The following MCM8 variants were observed in gnomAD, a reference collection of about 807,000 sequenced individuals.
MCM8 encodes the protein minichromosome maintenance 8 homologous recombination repair factor.
A neutral mutation model predicts 98.9 loss-of-function variants in MCM8; 85 were observed. The observed-to-expected ratio is 0.86, with a 90% CI of 0.72 to 1.03. The LOEUF is 1.03. MCM8 is among the 50% of genes least tolerant of loss of function. MCM8 has a pLI of 0.00. For synonymous variants in MCM8, 352 were observed against 338.6 expected, an observed-to-expected ratio of 1.04 and a Z score of -0.44; for missense variants, 951 against 997.8, an observed-to-expected ratio of 0.95 and a Z score of 0.63.
rs2089940276 is a variant in MCM8, at chr20:5,995,239, G to A, written c.*848G>A. The A allele has an allele frequency of 2.0e-5, 3 of 152,312 alleles. No individual in the cohort carries two copies. The highest frequency in any genetic ancestry group is 2.0e-4 in the Admixed American group (3 of 15,272). 9.4% of individuals were successfully genotyped at this position (152,312 alleles called of 1,614,324 possible). A position where few individuals can be genotyped will look rare whatever the true frequency, so the allele number is the denominator to read the frequency against. On this transcript the variant is annotated 3_prime_UTR_variant, in exon 19 of 19. Coordinates refer to ENST00000610722, the MANE Select transcript of MCM8 (RefSeq NM_032485.6). ...AATAATAGGTCTCATTTATTCCACA[G>A]GCTGTAGTTTGTAGTCTTGCTTGAA...
At chr20:5,970,347 G>A (rs2089376120) in intron 10 of MCM8, among the ~76,000 whole-genome samples, 1 of 152,210 alleles carries the variant, frequency 6.6e-6, no homozygotes, top group African/African-American at 2.4e-5. Flanking sequence ...TACTTGGGAG[G>A]TGATTCTGGA....
rs2089988528 is a variant in MCM8 at position 5,998,785 on chromosome 20, C to G, written c.*4394C>G. ...TTAAAATTATAAGGCAATATTAATTCACAAAACTACCTACTCGTTTTATTT... is the reference window on the plus strand; with the variant it reads ...TTAAAATTATAAGGCAATATTAATTGACAAAACTACCTACTCGTTTTATTT... On this transcript the variant is annotated 3_prime_UTR_variant, in exon 19 of 19. Coordinates refer to ENST00000610722, the MANE Select transcript of MCM8 (RefSeq NM_032485.6). The G allele has an allele frequency of 6.6e-6, 1 of 152,132 alleles. No individual in the cohort carries two copies. Among genetic ancestry groups the G allele is most frequent in the South Asian group, 2.1e-4 (1 of 4,830 alleles). The allele number at this position is 152,132 out of a possible 1,614,324, so 9.4% of individuals were successfully genotyped here.
rs1331172298 is a variant in MCM8, at chr20:5,962,650, A to T, written c.790-624A>T. Among the ~76,000 whole-genome samples, 2 of 151,312 alleles carry T rather than the reference A, an allele frequency of 1.3e-5. 1 individual carries two copies. The highest frequency in any genetic ancestry group is 2.9e-5 in the Non-Finnish European group (2 of 67,952). On this transcript the variant is annotated intron_variant, in intron 7 of 18. Coordinates refer to ENST00000610722, the MANE Select transcript of MCM8 (RefSeq NM_032485.6). The stretch of plus-strand genomic sequence containing the variant: ...CGGCCTCCCAAAGTGCTGGGATTAC[A>T]GGCGTGAGCCACCGCGCCCGGCCTT...
In MCM8 at chr20:5,957,184, C is replaced by T. The variant is rs1568570227; in HGVS notation, c.545C>T (p.Ser182Phe). 6.2e-7 allele frequency: 1 copy of T among 1,613,618 alleles called. No individual in the cohort carries two copies. The highest frequency in any genetic ancestry group is 8.5e-7 in the Non-Finnish European group (1 of 1,179,762). The change falls in exon 6 of 19, where the codon TCT becomes TTT. Residue 182 changes from serine (S) to phenylalanine (F), a missense_variant. By Grantham distance (155) the Ser-to-Phe change is radical (BLOSUM62 -2). Coordinates refer to ENST00000610722, the MANE Select transcript of MCM8 (RefSeq NM_032485.6). ...AAELQAQEGL[S>F]NDGETMVNVP... ...GAGTTACAAGCCCAGGAAGGATTGT[C>T]TAATGATGGAGAAACAATGGTAAAT...
At chr20:5,960,311 C>T (rs759678092) in intron 7 of MCM8, among the ~76,000 whole-genome samples, 1 of 151,972 alleles carries the variant, frequency 6.6e-6, no homozygotes, top group Non-Finnish European at 1.5e-5. Flanking sequence ...GATGGGGTCT[C>T]ATTCTGTTGC....
intron 13 of MCM8, among the ~76,000 whole-genome samples, chr20:5,979,889 G>A (rs988154306): frequency 2.0e-5 from 3 of 152,178 alleles, no homozygotes; most frequent in Admixed American, 2.0e-4. Flanking sequence ...GAGTGGCCCA[G>A]GGCCATTCAT....
In MCM8 at chr20:5,974,886, A is replaced by T. The variant is rs16991620; in HGVS notation, c.1395+1690A>T. Among the ~76,000 whole-genome samples, 1,455 of 152,296 alleles carry T rather than the reference A, an allele frequency of 9.6e-3. 25 individuals are homozygous for T. Among genetic ancestry groups the T allele is most frequent in the African/African-American group, 0.033 (1,363 of 41,548 alleles). Reference sequence around the variant, plus strand: ...ATCTGGGGCTACTTTTTAAAAAATAAATTCTGTTCTGAGACCTCGCTACAA... The same window carrying T: ...ATCTGGGGCTACTTTTTAAAAAATATATTCTGTTCTGAGACCTCGCTACAA... On this transcript the variant is annotated intron_variant, in intron 12 of 18. Transcript: ENST00000610722.
chr20:5,971,299 T>C (rs2089396752), intron 10 of MCM8, among the ~76,000 whole-genome samples: 2 of 152,258 alleles, frequency 1.3e-5, no homozygotes, highest in Admixed American at 1.3e-4. Flanking sequence ...TTTTACAGCC[T>C]GTTCTCTCTG....
At chr20:5,987,032 G>A (rs1223475960) in intron 16 of MCM8, among the ~76,000 whole-genome samples, 1 of 152,100 alleles carries the variant, frequency 6.6e-6, no homozygotes, top group Non-Finnish European at 1.5e-5. Context: ...TCACTTTGTT[G>A]CTCAGGCTGG....
chr20:5,955,120 G>T lies in MCM8; in HGVS notation c.355G>T (p.Gly119Ter). ...TTTATAGGATGAAATAGAAAGAAAG[G>T]GAAGTATTTTGGTAGATTTTAAAGA... ...LYDKDEIERK[G>*]SILVDFKELT... The change falls in exon 5 of 19, where the codon GGA (glycine) becomes TGA (stop). Residue 119 changes from glycine (G) to a stop codon, truncating the protein, a stop_gained. Coordinates refer to ENST00000610722, the MANE Select transcript of MCM8 (RefSeq NM_032485.6). LOFTEE classifies it high-confidence loss of function. 1 of 1,599,128 alleles carries T rather than the reference G, an allele frequency of 6.3e-7. No individual in the cohort carries two copies. Among genetic ancestry groups the T allele is most frequent in the South Asian group, 1.1e-5 (1 of 89,388 alleles).
Position 5,998,935 on chromosome 20 carries a change from T to TA in MCM8, c.*4545dup, listed in dbSNP as rs2089990378. The TA allele has an allele frequency of 6.6e-6, 1 of 152,082 alleles. No individual in the cohort carries two copies. Among genetic ancestry groups the TA allele is most frequent in the African/African-American group, 2.4e-5 (1 of 41,388 alleles). The allele number at this position is 152,082 out of a possible 1,614,324, so 9.4% of individuals were successfully genotyped here. On this transcript the variant is annotated 3_prime_UTR_variant, in exon 19 of 19. Transcript: ENST00000610722. ...AGTTTTTCTATACCATGGAGTTACTTACCATGTGTATACATAACACTGATT... is the reference window on the plus strand; with the variant it reads ...AGTTTTTCTATACCATGGAGTTACTTAACCATGTGTATACATAACACTGATT...
intron 7 of MCM8, among the ~76,000 whole-genome samples, chr20:5,961,505 G>A (rs1474491338): frequency 6.6e-6 from 1 of 152,196 alleles, no homozygotes; most frequent in Non-Finnish European, 1.5e-5. Flanking sequence ...GAGGGTATGT[G>A]AGATTCAGCT....
intron 10 of MCM8, among the ~76,000 whole-genome samples, chr20:5,969,242 A>G (rs2089346381): frequency 6.6e-6 from 1 of 152,198 alleles, no homozygotes; most frequent in African/African-American, 2.4e-5. Context: ...ACTGAATAAT[A>G]GATATATCTA....
rs774216069 is a variant in MCM8, at chr20:5,951,996, ATATC to A, written c.-5-9_-5-6del. 2.5e-6 allele frequency: 4 copies of A among 1,596,992 alleles called. No individual in the cohort carries two copies. The highest frequency in any genetic ancestry group is 1.4e-5 in the African/African-American group (1 of 73,842). On this transcript the variant is annotated splice_polypyrimidine_tract_variant and intron_variant, in intron 1 of 18. Coordinates refer to ENST00000610722, the MANE Select transcript of MCM8 (RefSeq NM_032485.6). ...TACAGTTTTGGTGAAGACCTTTTTA[ATATC>A]TATCTTTTAGGAGAGATGAATGGAG...
intron 12 of MCM8, among the ~76,000 whole-genome samples, chr20:5,977,057 A>G (rs1382610652): frequency 2.6e-5 from 4 of 152,234 alleles, no homozygotes; most frequent in Non-Finnish European, 5.9e-5. Flanking sequence ...CTAGTAAACC[A>G]TCATACTCTG....
In MCM8 at chr20:5,957,217, A is replaced by G. The variant is rs1472480660; in HGVS notation, c.578A>G (p.His193Arg). The part of the protein sequence containing the change: ...NDGETMVNVP[H>R]IHARVYNYEP... The stretch of plus-strand genomic sequence containing the variant: ...GGAGAAACAATGGTAAATGTGCCAC[A>G]TATTCATGCAAGGTGAGGAATTTGA... The change falls in exon 6 of 19, where the codon CAT (histidine) becomes CGT (arginine). Residue 193 changes from histidine (H) to arginine (R), a missense_variant. Coordinates refer to ENST00000610722, the MANE Select transcript of MCM8 (RefSeq NM_032485.6). The G allele has an allele frequency of 1.2e-6, 2 of 1,612,534 alleles. No individual in the cohort carries two copies. Among genetic ancestry groups the G allele is most frequent in the East Asian group, 2.2e-5 (1 of 44,798 alleles).
At chr20:5,963,383 A>G (rs1027622861) in intron 8 of MCM8, 24 bp downstream of exon 8, 1 of 1,575,300 alleles carries the variant, frequency 6.3e-7, no homozygotes, top group Non-Finnish European at 8.7e-7. Context: ...CTGTTACATA[A>G]AAGGCAGGCT....
intron 7 of MCM8, among the ~76,000 whole-genome samples, chr20:5,961,647 C>T (rs560549495): frequency 6.6e-6 from 1 of 152,110 alleles, no homozygotes; most frequent in Non-Finnish European, 1.5e-5. Flanking sequence ...TATTTTCTTC[C>T]TTTTATTTTG....
rs1167871181 is a variant in MCM8, at chr20:5,950,691, A to G, written c.-338A>G. The G allele has an allele frequency of 2.9e-5, 10 of 343,560 alleles. No homozygotes were observed. Among genetic ancestry groups the G allele is most frequent in the Non-Finnish European group, 5.3e-5 (10 of 187,138 alleles). The allele number at this position is 343,560 out of a possible 1,614,324, so 21.3% of individuals were successfully genotyped here. A position where few individuals can be genotyped will look rare whatever the true frequency, so the allele number is the denominator to read the frequency against. On this transcript the variant is annotated 5_prime_UTR_variant, in exon 1 of 19. Coordinates refer to ENST00000610722, the MANE Select transcript of MCM8 (RefSeq NM_032485.6). ...TGGATCACTGAAGCGCCAAAAAAGA[A>G]TTTAGGGGAAGACCTGATTTTCGCT...
Sources: allele counts gnomAD v4.1 joint callset (sites outside exome capture counted in the v4.1 genomes callset), GRCh38; gene constraint gnomAD v4.1.1; transcripts MANE v1.5; gene names NCBI Gene and HGNC (gene_info 2026-07-23, HGNC 2026-07-21).